Variants in CIBAR1 observed in about 807,000 individuals in gnomAD.
The protein encoded by CIBAR1 is CBY1 interacting BAR domain containing 1.
A neutral mutation model predicts 44.0 loss-of-function variants in CIBAR1; 25 were observed. The observed-to-expected ratio is 0.57, with a 90% CI of 0.41 to 0.79. The LOEUF is 0.79. CIBAR1 is among the 30% of genes least tolerant of loss of function. The pLI is 0.00. For synonymous variants in CIBAR1, 115 were observed against 119.0 expected (o/e 0.97, Z 0.22); for missense variants, 278 against 344.8 (o/e 0.81, Z 1.53).
At chr8:93,701,174 T>G in intron 1 of CIBAR1, 50 bp from the exon 2 acceptor site, 1 of 1,572,086 alleles carries the variant, frequency 6.4e-7, no homozygotes, top group Non-Finnish European at 8.6e-7. Context: ...ACGTGAAGCC[T>G]TCTCATCTCT....
At chr8:93,718,147 C>T (rs769100239) in intron 6 of CIBAR1, among the ~76,000 whole-genome samples, 3 of 152,188 alleles carry the variant, frequency 2.0e-5, no homozygotes, top group Non-Finnish European at 4.4e-5. Flanking sequence ...AACTAGAACG[C>T]TCTATGCAAA....
At chr8:93,709,340 T>C (rs192992310) in intron 5 of CIBAR1, among the ~76,000 whole-genome samples, 52 of 152,276 alleles carry the variant, frequency 3.4e-4, no homozygotes, top group Non-Finnish European at 7.1e-4. Context: ...TAATTTTTAC[T>C]AAGTCATAAG....
intron 7 of CIBAR1, among the ~76,000 whole-genome samples, chr8:93,719,284 G>A (rs1405182501): frequency 6.6e-6 from 1 of 152,128 alleles, no homozygotes; most frequent in Non-Finnish European, 1.5e-5. Context: ...AAAGTTCCAA[G>A]AGTTAATTTA....
intron 4 of CIBAR1, chr8:93,705,987 C>A (rs1472026376): frequency 6.6e-6 from 1 of 152,108 alleles, no homozygotes; most frequent in East Asian, 1.9e-4. Context: ...GCACTAACAT[C>A]CCTACTGCCT....
intron 2 of CIBAR1, among the ~76,000 whole-genome samples, chr8:93,703,399 A>G (rs1024996886): frequency 2.0e-5 from 3 of 152,204 alleles, no homozygotes; most frequent in Non-Finnish European, 4.4e-5. Context: ...TAATCCTAAG[A>G]TGATGATGTG....
At chr8:93,727,181 C>T in intron 8 of CIBAR1, 2 of 1,289,020 alleles carry the variant, frequency 1.6e-6, no homozygotes, top group Non-Finnish European at 2.0e-6. Context: ...GAGCTATGCC[C>T]TTTTCATATC....
chr8:93,724,629 G>A, intron 7 of CIBAR1: 2 of 1,218,692 alleles, frequency 1.6e-6, no homozygotes, highest in Non-Finnish European at 1.1e-6. Context: ...CAGGCTTATA[G>A]TTTGGTCTTC....
At chr8:93,708,087 A>G (rs1369884211) in intron 5 of CIBAR1, 71 bp downstream of exon 5, 2 of 1,221,380 alleles carry the variant, frequency 1.6e-6, no homozygotes, top group Non-Finnish European at 2.2e-6. Flanking sequence ...CAATTTATAC[A>G]TTTTCTTGAA....
intron 6 of CIBAR1, among the ~76,000 whole-genome samples, chr8:93,717,533 T>G (rs929800540): frequency 6.6e-6 from 1 of 152,178 alleles, no homozygotes; most frequent in Admixed American, 6.5e-5. Flanking sequence ...TATCACTGAG[T>G]AGCAATCAGA....
Position 93,700,625 on chromosome 8 carries a change from TCCCCGGCCGTGC to T in CIBAR1, c.-22_-11del. On this transcript the variant is annotated 5_prime_UTR_variant, in exon 1 of 9. Transcript: ENST00000518322. ...TCCCCGTCCTTGGGCCCCCGCAAGG[TCCCCGGCCGTGC>T]GCGAGGCAGCATGATGAGGCGCACC... 3.3e-6 allele frequency: 5 copies of T among 1,497,022 alleles called. No individual in the cohort carries two copies. Among genetic ancestry groups the T allele is most frequent in the Non-Finnish European group, 4.4e-6 (5 of 1,124,398 alleles). The allele number at this position is 1,497,022 out of a possible 1,614,324, so 92.7% of individuals were successfully genotyped here. A position where few individuals can be genotyped will look rare whatever the true frequency, so the allele number is the denominator to read the frequency against.
rs1269530806 is a variant in CIBAR1 at position 93,730,481 on chromosome 8, T to G, written c.*2184T>G. ...CTAGAGAATACACCTCCAGTGTACC[T>G]GGTATACCTTGAGGATAGGAGAGGA... On this transcript the variant is annotated 3_prime_UTR_variant, in exon 9 of 9. Coordinates refer to ENST00000518322, the MANE Select transcript of CIBAR1 (RefSeq NM_145269.5). 2 of 152,330 alleles carry G rather than the reference T, an allele frequency of 1.3e-5. No individual in the cohort carries two copies. The highest frequency in any genetic ancestry group is 2.4e-5 in the African/African-American group (1 of 41,574). The allele number at this position is 152,330 out of a possible 1,614,324, so 9.4% of individuals were successfully genotyped here.
At chr8:93,720,886 T>C (rs1277307177) in intron 7 of CIBAR1, 1 of 152,110 alleles carries the variant, frequency 6.6e-6, no homozygotes, top group Non-Finnish European at 1.5e-5. Context: ...AAAACTTGAT[T>C]ATCAAGCTTT....
rs550392543 is a variant in CIBAR1, at chr8:93,731,347, G to C, written c.*3050G>C. 2 of 152,094 alleles carry C rather than the reference G, an allele frequency of 1.3e-5. No individual in the cohort carries two copies. The highest frequency in any genetic ancestry group is 4.8e-5 in the African/African-American group (2 of 41,482). 9.4% of individuals were successfully genotyped at this position (152,094 alleles called of 1,614,324 possible). A position where few individuals can be genotyped will look rare whatever the true frequency, so the allele number is the denominator to read the frequency against. Reference sequence around the variant, plus strand: ...AACTTTCCATATATTATTCAAAATGGGTGACCAAATGAACCATCTATACAA... The same window carrying C: ...AACTTTCCATATATTATTCAAAATGCGTGACCAAATGAACCATCTATACAA... On this transcript the variant is annotated 3_prime_UTR_variant, in exon 9 of 9. Transcript: ENST00000518322.
intron 6 of CIBAR1, among the ~76,000 whole-genome samples, chr8:93,715,092 G>A (rs1810989133): frequency 2.0e-5 from 3 of 152,160 alleles, no homozygotes; most frequent in Admixed American, 2.0e-4. Context: ...TTGAATTTTG[G>A]TATTGGTATT....
rs559061034 is a variant in CIBAR1, at chr8:93,701,069, A to G, written c.27-155A>G. On this transcript the variant is annotated intron_variant, in intron 1 of 8. Transcript: ENST00000518322. ...GTCCGGATAGTGAGGTCAGGACCCCATGGAGAGCAGTCCGCGCCGGGAGAC... is the reference window on the plus strand; with the variant it reads ...GTCCGGATAGTGAGGTCAGGACCCCGTGGAGAGCAGTCCGCGCCGGGAGAC... 6.9e-5 allele frequency: 102 copies of G among 1,475,932 alleles called. No individual in the cohort carries two copies. The East Asian group carries it at 9.2e-4, about 13-fold the overall frequency. The allele number at this position is 1,475,932 out of a possible 1,614,324, so 91.4% of individuals were successfully genotyped here. A position where few individuals can be genotyped will look rare whatever the true frequency, so the allele number is the denominator to read the frequency against.
At chr8:93,712,217 C>T (rs928982694) in intron 6 of CIBAR1, among the ~76,000 whole-genome samples, 2 of 152,114 alleles carry the variant, frequency 1.3e-5, no homozygotes, top group Non-Finnish European at 1.5e-5. Context: ...TTAGCTTTTG[C>T]CCCCCTGCCT....
At position 93,701,521 on chromosome 8, in the gene CIBAR1, C is replaced by T. The variant is rs1484285703; in HGVS notation, c.261+63C>T. ...GCCATGAAGTAGTGGATGAAGGAACCGTGGAAACTTTCACTTGTAATCTAC... is the reference window on the plus strand; with the variant it reads ...GCCATGAAGTAGTGGATGAAGGAACTGTGGAAACTTTCACTTGTAATCTAC... On this transcript the variant is annotated intron_variant, in intron 2 of 8. Coordinates refer to ENST00000518322, the MANE Select transcript of CIBAR1 (RefSeq NM_145269.5). 101 of 1,418,154 alleles carry T rather than the reference C, an allele frequency of 7.1e-5. 1 individual carries two copies. In the South Asian group the frequency reaches 1.1e-3, roughly 15 times the overall value. The allele number at this position is 1,418,154 out of a possible 1,614,324, so 87.8% of individuals were successfully genotyped here. A position where few individuals can be genotyped will look rare whatever the true frequency, so the allele number is the denominator to read the frequency against.
At chr8:93,716,245 T>C (rs1046532493) in intron 6 of CIBAR1, 2 of 152,180 alleles carry the variant, frequency 1.3e-5, no homozygotes, top group East Asian at 1.9e-4. Flanking sequence ...GGTTTCACCA[T>C]GTTGGCCAGG....
At chr8:93,715,067 A>G (rs1810987964) in intron 6 of CIBAR1, among the ~76,000 whole-genome samples, 1 of 152,234 alleles carries the variant, frequency 6.6e-6, no homozygotes, top group African/African-American at 2.4e-5. Flanking sequence ...AGGTGAGTTT[A>G]ATTGATAAGT....
Sources: allele counts gnomAD v4.1 joint callset (sites outside exome capture counted in the v4.1 genomes callset), GRCh38; gene constraint gnomAD v4.1.1; transcripts MANE v1.5; gene names NCBI Gene and HGNC (gene_info 2026-07-23, HGNC 2026-07-21).